The following FRMD5 variants were observed in gnomAD, a reference collection of about 807,000 sequenced individuals.
FRMD5 encodes the protein FERM domain-containing protein 5.
A neutral mutation model predicts 69.0 loss-of-function variants in FRMD5; 20 were observed. The ratio of observed to expected loss-of-function variants is 0.29; its 90% CI spans 0.20 to 0.42. FRMD5 has a LOEUF of 0.42. FRMD5 is among the 10% of genes least tolerant of loss of function. The pLI, the probability that FRMD5 is intolerant of heterozygous loss-of-function variation, is 1.00. For missense variants in FRMD5, 595 were observed against 708.6 expected (o/e 0.84, Z 1.82); for synonymous variants, 271 against 260.1 (o/e 1.04, Z -0.40).
At chr15:44,147,192 C>T (rs940656704) in intron 1 of FRMD5, among the ~76,000 whole-genome samples, 7 of 152,066 alleles carry the variant, frequency 4.6e-5, no homozygotes, top group African/African-American at 7.2e-5. Context: ...GGTCCGGTTT[C>T]GATTTTCTGC....
intron 1 of FRMD5, among the ~76,000 whole-genome samples, chr15:44,069,664 G>C (rs1042646795): frequency 6.6e-5 from 10 of 152,118 alleles, no homozygotes; most frequent in African/African-American, 2.4e-4. Flanking sequence ...AAGGATGAGA[G>C]GGTGAGAGGT....
intron 2 of FRMD5, among the ~76,000 whole-genome samples, chr15:43,923,701 A>C (rs2089535564): frequency 6.6e-6 from 1 of 152,206 alleles, no homozygotes; most frequent in Non-Finnish European, 1.5e-5. Context: ...TGGCTATCAG[A>C]ATGCCCTGTG....
intron 7 of FRMD5, among the ~76,000 whole-genome samples, chr15:43,897,798 G>A (rs1595494417): frequency 6.6e-6 from 1 of 152,140 alleles, no homozygotes; most frequent in South Asian, 2.1e-4. Context: ...ACCCCCATGT[G>A]ACAGGGGAGG....
chr15:44,160,001 A>G (rs1042785037), intron 1 of FRMD5, among the ~76,000 whole-genome samples: 4 of 152,226 alleles, frequency 2.6e-5, no homozygotes, highest in Admixed American at 6.5e-5. Context: ...CCAAAGATGA[A>G]TAAGTAGCAT....
intron 13 of FRMD5, among the ~76,000 whole-genome samples, chr15:43,875,027 G>A (rs1260201803): frequency 2.6e-5 from 4 of 152,086 alleles, no homozygotes; most frequent in African/African-American, 4.8e-5. Context: ...GTGAAACCCC[G>A]TCTGTACTAA....
chr15:43,989,384 C>T (rs1273383130), intron 1 of FRMD5: 1 of 785,496 alleles, frequency 1.3e-6, no homozygotes, highest in Non-Finnish European at 2.3e-6. Flanking sequence ...GATTCCATGC[C>T]CAGGAAGGAA....
At chr15:43,891,653 TG>T (rs1173048049) in intron 8 of FRMD5, among the ~76,000 whole-genome samples, 2 of 152,112 alleles carry the variant, frequency 1.3e-5, no homozygotes, top group Non-Finnish European at 2.9e-5. Context: ...TGACCCTCAG[TG>T]GGTGACGGCC....
At chr15:44,027,751 T>TG (rs1053494928) in intron 1 of FRMD5, among the ~76,000 whole-genome samples, 53 of 151,670 alleles carry the variant, frequency 3.5e-4, no homozygotes, top group African/African-American at 1.0e-3. Context: ...CCTGAGCGAT[T>TG]CTCTTGCCTC....
chr15:43,994,267 A>G (rs1229781327), intron 1 of FRMD5, among the ~76,000 whole-genome samples: 2 of 152,038 alleles, frequency 1.3e-5, no homozygotes. Flanking sequence ...TGTGGTTACC[A>G]TGAGGCTTAC....
chr15:44,074,482 A>T (rs1893673868), intron 1 of FRMD5, among the ~76,000 whole-genome samples: 1 of 152,108 alleles, frequency 6.6e-6, no homozygotes, highest in African/African-American at 2.4e-5. Context: ...GAAAAAATGG[A>T]AATCACAGAG....
intron 1 of FRMD5, among the ~76,000 whole-genome samples, chr15:44,054,028 T>G (rs963951985): frequency 6.6e-6 from 1 of 152,228 alleles, no homozygotes; most frequent in Non-Finnish European, 1.5e-5. Flanking sequence ...GCACCCAACC[T>G]TTAAAGCATT....
At chr15:44,037,154 C>A (rs1891955562) in intron 1 of FRMD5, among the ~76,000 whole-genome samples, 1 of 152,208 alleles carries the variant, frequency 6.6e-6, no homozygotes, top group African/African-American at 2.4e-5. Context: ...CAACCCCCGA[C>A]AGGCCCTGGT....
intron 1 of FRMD5, among the ~76,000 whole-genome samples, chr15:44,064,479 C>T (rs1393389446): frequency 6.6e-6 from 1 of 152,114 alleles, no homozygotes; most frequent in East Asian, 1.9e-4. Context: ...AATCCAGGTA[C>T]TCTGGAGGCT....
At chr15:43,999,967 T>TATATATCATTC (rs1555392746) in intron 1 of FRMD5, among the ~76,000 whole-genome samples, 1 of 42,024 alleles carries the variant, frequency 2.4e-5, no homozygotes, top group Non-Finnish European at 5.4e-5. Context: ...TATATATATA[T>TATATATCATTC]ATATATATAT....
chr15:44,042,192 T>G (rs921551242), intron 1 of FRMD5, among the ~76,000 whole-genome samples: 1 of 152,280 alleles, frequency 6.6e-6, no homozygotes, highest in South Asian at 2.1e-4. Flanking sequence ...AAGAAATGGA[T>G]AAATTCCGGG....
rs1314966260 is a variant in FRMD5 at position 43,876,045 on chromosome 15, A to C, written c.1136-1583T>G. 1.0e-5 allele frequency: 12 copies of C among 1,201,006 alleles called. No individual in the cohort carries two copies. The East Asian group carries it at 2.1e-4, about 21-fold the overall frequency. 74.4% of individuals were successfully genotyped at this position (1,201,006 alleles called of 1,614,324 possible). A position where few individuals can be genotyped will look rare whatever the true frequency, so the allele number is the denominator to read the frequency against. On this transcript the variant is annotated intron_variant, in intron 13 of 13. Transcript: ENST00000417257. ...TTTATCTTCACTATATTGTGTGGCCACTTCATTGAATCTCATCCCAGACTT... is the reference window on the plus strand; with the variant it reads ...TTTATCTTCACTATATTGTGTGGCCCCTTCATTGAATCTCATCCCAGACTT...
intron 1 of FRMD5, among the ~76,000 whole-genome samples, chr15:44,077,043 C>T (rs747047859): frequency 2.6e-5 from 4 of 152,152 alleles, no homozygotes; most frequent in African/African-American, 9.6e-5. Flanking sequence ...GAAATAACAA[C>T]ACTCTCGCCT....
At chr15:44,176,762 T>G (rs938712326) in intron 1 of FRMD5, among the ~76,000 whole-genome samples, 3 of 152,026 alleles carry the variant, frequency 2.0e-5, no homozygotes, top group African/African-American at 7.2e-5. Flanking sequence ...AAATGGCCAG[T>G]AAACATACGA....
chr15:44,086,349 T>C (rs1894195501), intron 1 of FRMD5, among the ~76,000 whole-genome samples: 1 of 152,244 alleles, frequency 6.6e-6, no homozygotes, highest in Non-Finnish European at 1.5e-5. Flanking sequence ...CAAAATGTGG[T>C]ATATTCATGC....
Sources: gnomAD v4.1 joint callset for allele counts (sites outside exome capture counted in the v4.1 genomes callset) on GRCh38, gnomAD v4.1.1 for gene constraint, MANE v1.5 for transcripts, NCBI Gene and HGNC (gene_info 2026-07-23, HGNC 2026-07-21) for gene names.